Variants in NEK8 observed in about 807,000 individuals in gnomAD.
NEK8 encodes the protein serine/threonine-protein kinase Nek8.
In NEK8, 51 loss-of-function variants were observed where a neutral mutation model predicts 77.2. That is an observed-to-expected ratio of 0.66 (90% CI 0.53 to 0.83). NEK8 has a LOEUF of 0.83. Among genes scored for constraint, NEK8 ranks in the 40% least tolerant of loss-of-function variants. NEK8 has a pLI of 0.00. For synonymous variants in NEK8, 365 were observed against 363.2 expected, an observed-to-expected ratio of 1.00 and a Z score of -0.06; for missense variants, 787 against 909.2, an observed-to-expected ratio of 0.87 and a Z score of 1.73.
In NEK8 at chr17:28,740,246, T is replaced by G. The variant is rs899052774; in HGVS notation, c.1418-217T>G. Among the ~76,000 whole-genome samples, 10 of 152,076 alleles carry G rather than the reference T, an allele frequency of 6.6e-5. No homozygotes were observed. The highest frequency in any genetic ancestry group is 2.4e-4 in the African/African-American group (10 of 41,402). On this transcript the variant is annotated intron_variant, in intron 10 of 14. Transcript: ENST00000268766. The surrounding 1 kb of genome is among the most constrained non-coding windows in gnomAD (Gnocchi z 4.7). Reference sequence around the variant, plus strand: ...TTGCAGTGAGTGAAGATCATACCCTTGTACTCCAGCCTTGGCGACAGAGTG... The same window carrying G: ...TTGCAGTGAGTGAAGATCATACCCTGGTACTCCAGCCTTGGCGACAGAGTG...
intron 4 of NEK8, among the ~76,000 whole-genome samples, chr17:28,736,833 G>T (rs1279556526): frequency 6.6e-6 from 1 of 152,178 alleles, no homozygotes; most frequent in South Asian, 2.1e-4. Context: ...TTTTAGACAT[G>T]AAGTCCTTGC....
chr17:28,740,911 T>C lies in NEK8; in HGVS notation c.1658T>C (p.Leu553Pro). The C allele has an allele frequency of 1.9e-6, 3 of 1,614,052 alleles. No homozygotes were observed. The highest frequency in any genetic ancestry group is 2.5e-6 in the Non-Finnish European group (3 of 1,179,974). The change falls in exon 12 of 15, where the codon CTA becomes CCA. Residue 553 changes from leucine to proline, a missense_variant. Coordinates refer to ENST00000268766, the MANE Select transcript of NEK8 (RefSeq NM_178170.3). This position sits in a 1 kb window ranked among gnomAD's most constrained non-coding sequence, Gnocchi z 4.7. ...GAGGAGGCCCTGAGCTTCACACTAC[T>C]AGGCTCTGCACCCCTGGACCAGGAG... is the stretch of plus-strand genomic sequence containing the variant. The part of the protein sequence containing the change: ...QVEEALSFTL[L>P]GSAPLDQEPL...
At position 28,741,155 on chromosome 17, in the gene NEK8, C is replaced by G. The variant is rs750434590; in HGVS notation, c.1810C>G (p.Pro604Ala). Residue 604 changes from proline (P) to alanine (A), a missense_variant, in exon 13 of 15, where the codon CCC becomes GCC. By Grantham distance (27) the Pro-to-Ala change is conservative. Transcript: ENST00000268766. The surrounding 1 kb of genome is among the most constrained non-coding windows in gnomAD (Gnocchi z 4.5). ...CAATACTCGCCGAGGCAGTCGGGCA[C>G]CCTGTAAGGTCCAAGGCCTTGAGGG... ...GTNTRRGSRA[P>A]CKVQGLEGIK... 2 of 1,613,978 alleles carry G rather than the reference C, an allele frequency of 1.2e-6. No individual in the cohort carries two copies. Among genetic ancestry groups the G allele is most frequent in the African/African-American group, 2.7e-5 (2 of 74,914 alleles).
In NEK8 at chr17:28,738,263, C is replaced by T. The variant is rs1223439162; in HGVS notation, c.1222+18C>T. 1 of 1,614,064 alleles carries T rather than the reference C, an allele frequency of 6.2e-7. No individual in the cohort carries two copies. Among genetic ancestry groups the T allele is most frequent in the East Asian group, 2.2e-5 (1 of 44,878 alleles). ...CCTGACTGGTGAGTTGTCGGGCCTA[C>T]CTTGTGGGACCTGCTCTGAGGCCCC... On this transcript the variant is annotated intron_variant, in intron 8 of 14. Coordinates refer to ENST00000268766, the MANE Select transcript of NEK8 (RefSeq NM_178170.3).
intron 2 of NEK8, 132 bp downstream of exon 2, chr17:28,734,320 C>A: frequency 2.5e-6 from 2 of 790,642 alleles, no homozygotes; most frequent in Non-Finnish European, 4.3e-6. Flanking sequence ...AATTATCTGA[C>A]CCCGGCTAGC....
chr17:28,735,491 A>C, intron 4 of NEK8, 120 bp downstream of exon 4: 1 of 1,157,922 alleles, frequency 8.6e-7, no homozygotes, highest in Non-Finnish European at 1.2e-6. Context: ...TTATCAGATT[A>C]CCCCAGGGGA....
rs757330982 is a variant in NEK8 at position 28,741,454 on chromosome 17, T to C, written c.1933T>C (p.Leu645=). ...TTGGGGCAAAGGGGCGCGAGGTCGATTGGGAAGGAGGGATGAGGATGCCGG... is the reference window on the plus strand; with the variant it reads ...TTGGGGCAAAGGGGCGCGAGGTCGACTGGGAAGGAGGGATGAGGATGCCGG... ...YSWGKGARGR[L]GRRDEDAGLP... Residue 645 remains leucine, a synonymous_variant, in exon 14 of 15, where the codon TTG becomes CTG. Coordinates refer to ENST00000268766, the MANE Select transcript of NEK8 (RefSeq NM_178170.3). The surrounding 1 kb of genome is among the most constrained non-coding windows in gnomAD (Gnocchi z 4.5). 8.1e-6 allele frequency: 13 copies of C among 1,613,900 alleles called. No individual in the cohort carries two copies. The highest frequency in any genetic ancestry group is 1.7e-5 in the Admixed American group (1 of 59,986).
chr17:28,741,611 T>C lies in NEK8; in HGVS notation c.2050+40T>C. The C allele has an allele frequency of 6.2e-7, 1 of 1,609,160 alleles. No homozygotes were observed. The highest frequency in any genetic ancestry group is 8.5e-7 in the Non-Finnish European group (1 of 1,176,344). The stretch of plus-strand genomic sequence containing the variant: ...TTCCCACTTCACCACACAGCCCAGC[T>C]GGCCCCTGTCCACACTCCCATCCCC... On this transcript the variant is annotated intron_variant, in intron 14 of 14. Coordinates refer to ENST00000268766, the MANE Select transcript of NEK8 (RefSeq NM_178170.3). The surrounding 1 kb of genome is among the most constrained non-coding windows in gnomAD (Gnocchi z 4.5).
In NEK8 at chr17:28,743,449, A is replaced by G; in HGVS notation, c.*1462A>G. ...GGACAGGAAGGCCAATAAAAATATC[A>G]GCTGCCTGCCTGGAGTGTGGTGTCT... On this transcript the variant is annotated 3_prime_UTR_variant, in exon 15 of 15. Coordinates refer to ENST00000268766, the MANE Select transcript of NEK8 (RefSeq NM_178170.3). 6.6e-6 allele frequency: 1 copy of G among 152,398 alleles called. No homozygotes were observed. Among genetic ancestry groups the G allele is most frequent in the Non-Finnish European group, 1.5e-5 (1 of 68,116 alleles). 9.4% of individuals were successfully genotyped at this position (152,398 alleles called of 1,614,324 possible). A position where few individuals can be genotyped will look rare whatever the true frequency, so the allele number is the denominator to read the frequency against.
At chr17:28,732,812 AAAGTGTTAGTATTAC>A (rs2034323938) in intron 1 of NEK8, among the ~76,000 whole-genome samples, 1 of 151,774 alleles carries the variant, frequency 6.6e-6, no homozygotes, top group Non-Finnish European at 1.5e-5. Context: ...TCGGCCTCCC[AAAGTGTTAGTATTAC>A]AAGTGTGAGC....
At position 28,741,914 on chromosome 17, in the gene NEK8, C is replaced by G; in HGVS notation, c.2051-45C>G. On this transcript the variant is annotated intron_variant, in intron 14 of 14. Transcript: ENST00000268766. This position sits in a 1 kb window ranked among gnomAD's most constrained non-coding sequence, Gnocchi z 4.5. The stretch of plus-strand genomic sequence containing the variant: ...GGAGGTGGGTGATGATTTCTGGAGG[C>G]ACTGCCCTCAGAAGCTGCAAGGGTT... 1 of 1,609,204 alleles carries G rather than the reference C, an allele frequency of 6.2e-7. No individual in the cohort carries two copies. The highest frequency in any genetic ancestry group is 8.5e-7 in the Non-Finnish European group (1 of 1,175,488).
intron 1 of NEK8, among the ~76,000 whole-genome samples, chr17:28,730,108 G>A (rs1398882637): frequency 2.6e-5 from 4 of 152,016 alleles, no homozygotes; most frequent in Non-Finnish European, 5.9e-5. Context: ...AAACGGTTTT[G>A]TTTTGTTTTT....
In NEK8 at chr17:28,741,375, C is replaced by A; in HGVS notation, c.1892-38C>A. ...AGGGGAGATCCTGCTCGGGCTGTGCCCACTTCCCACTTCCCTCCTGGGGAT... is the reference window on the plus strand; with the variant it reads ...AGGGGAGATCCTGCTCGGGCTGTGCACACTTCCCACTTCCCTCCTGGGGAT... On this transcript the variant is annotated intron_variant, in intron 13 of 14. Coordinates refer to ENST00000268766, the MANE Select transcript of NEK8 (RefSeq NM_178170.3). The surrounding 1 kb of genome is among the most constrained non-coding windows in gnomAD (Gnocchi z 4.5). 6.2e-7 allele frequency: 1 copy of A among 1,609,130 alleles called. No individual in the cohort carries two copies. Among genetic ancestry groups the A allele is most frequent in the East Asian group, 2.2e-5 (1 of 44,758 alleles).
intron 3 of NEK8, 29 bp from the exon 4 acceptor site, chr17:28,735,210 AG>A: frequency 6.2e-7 from 1 of 1,613,772 alleles, no homozygotes; most frequent in Non-Finnish European, 8.5e-7. Context: ...CCCTCCCTGC[AG>A]GGCTGTGATC....
rs1399195737 is a variant in NEK8, at chr17:28,740,120, C to G, written c.1418-343C>G. ...CCAACATGGTAAAACCCCGTCTCTACTAAAAATAAAAAAATTAGCTGGGCA... is the reference window on the plus strand; with the variant it reads ...CCAACATGGTAAAACCCCGTCTCTAGTAAAAATAAAAAAATTAGCTGGGCA... On this transcript the variant is annotated intron_variant, in intron 10 of 14. Coordinates refer to ENST00000268766, the MANE Select transcript of NEK8 (RefSeq NM_178170.3). This position sits in a 1 kb window ranked among gnomAD's most constrained non-coding sequence, Gnocchi z 4.7. Among the ~76,000 whole-genome samples, 1 of 151,938 alleles carries G rather than the reference C, an allele frequency of 6.6e-6. No individual in the cohort carries two copies. Among genetic ancestry groups the G allele is most frequent in the East Asian group, 1.9e-4 (1 of 5,148 alleles).
chr17:28,734,822 G>C lies in NEK8; in HGVS notation c.304G>C (p.Glu102Gln). ...AAAGCGCTGTAATTCCCTGCTGGAG[G>C]AGGAGACCATCCTGCACTTCTTCGT... ...IQKRCNSLLE[E>Q]ETILHFFVQI... Residue 102 changes from glutamate to glutamine, a missense_variant, in exon 3 of 15, where the codon GAG becomes CAG. Physicochemically the swap from Glu to Gln is conservative, Grantham distance 29. Around this residue, in one of 2 missense-constraint regions of NEK8, gnomAD observed 271 missense variants for 365.1 expected, o/e 0.74. Transcript: ENST00000268766. 1.2e-6 allele frequency: 2 copies of C among 1,613,894 alleles called. No individual in the cohort carries two copies. Among genetic ancestry groups the C allele is most frequent in the African/African-American group, 1.3e-5 (1 of 75,056 alleles).
At position 28,737,303 on chromosome 17, in the gene NEK8, C is replaced by T. The variant is rs1045064988; in HGVS notation, c.619-3C>T. 1.9e-6 allele frequency: 3 copies of T among 1,608,992 alleles called. No homozygotes were observed. The highest frequency in any genetic ancestry group is 2.5e-6 in the Non-Finnish European group (3 of 1,177,860). Reference sequence around the variant, plus strand: ...CCAAATTCTCAACCTGGTGCCTTCACAGAACTTGCCAGCACTGGTGCTGAA... The same window carrying T: ...CCAAATTCTCAACCTGGTGCCTTCATAGAACTTGCCAGCACTGGTGCTGAA... On this transcript the variant is annotated splice_region_variant and splice_polypyrimidine_tract_variant and intron_variant, in intron 4 of 14. Transcript: ENST00000268766. The surrounding 1 kb of genome is among the most constrained non-coding windows in gnomAD (Gnocchi z 4.8).
At position 28,737,910 on chromosome 17, in the gene NEK8, G is replaced by A; in HGVS notation, c.981G>A (p.Leu327=). 6.2e-7 allele frequency: 1 copy of A among 1,613,836 alleles called. No homozygotes were observed. The highest frequency in any genetic ancestry group is 8.5e-7 in the Non-Finnish European group (1 of 1,179,994). ...WGGGLGTPLR[L]PMLNTEVVQV... Reference sequence around the variant, plus strand: ...GTGGGCTGGGCACCCCCCTGCGGCTGCCAATGCTCAACACAGAGGTGGTCC... The same window carrying A: ...GTGGGCTGGGCACCCCCCTGCGGCTACCAATGCTCAACACAGAGGTGGTCC... Residue 327 remains leucine (L), a synonymous_variant, in exon 7 of 15, where the codon CTG becomes CTA. Transcript: ENST00000268766. The surrounding 1 kb of genome is among the most constrained non-coding windows in gnomAD (Gnocchi z 4.8).
chr17:28,735,942 A>C (rs2034361298), intron 4 of NEK8, among the ~76,000 whole-genome samples: 6 of 97,370 alleles, frequency 6.2e-5, no homozygotes, highest in South Asian at 8.7e-4. Flanking sequence ...CCACCCCACA[A>C]CAGGCCCCGG....
Sources: gnomAD v4.1 joint callset for allele counts (sites outside exome capture counted in the v4.1 genomes callset) on GRCh38, gnomAD v4.1.1 for gene constraint, gnomAD v4.1.1 regional missense constraint, Gnocchi (gnomAD v3.1) non-coding constraint, MANE v1.5 for transcripts, NCBI Gene and HGNC (gene_info 2026-07-23, HGNC 2026-07-21) for gene names.